The following RPTOR variants were observed in gnomAD, a reference collection of about 807,000 sequenced individuals.
RPTOR encodes regulatory associated protein of MTOR complex 1, also known as regulatory-associated protein of mTOR.
RPTOR carries 21 observed loss-of-function variants against 169.9 expected under a neutral mutation model. The ratio of observed to expected loss-of-function variants is 0.12; its 90% confidence interval spans 0.09 to 0.18. The LOEUF (loss-of-function observed/expected upper bound fraction) is 0.18, where lower values mean the gene tolerates loss of function less well. Ranked by LOEUF, RPTOR falls within the 10% of genes least tolerant of loss-of-function variation. The probability of loss-of-function intolerance (pLI) is 1.00; values close to 1 mark genes in which losing one functional copy is unlikely to be tolerated. For synonymous variants in RPTOR, 732 were observed against 753.2 expected, an observed-to-expected ratio of 0.97 and a Z score of 0.46; for missense variants, 1,133 against 1,855.9, an observed-to-expected ratio of 0.61 and a Z score of 7.16.
At chr17:80,849,493 A>T (rs950334608) in intron 11 of RPTOR, among the ~76,000 whole-genome samples, 1 of 152,226 alleles carries the variant, frequency 6.6e-6, no homozygotes, top group African/African-American at 2.4e-5. Flanking sequence ...GTTTAAAAAA[A>T]TTGCTGTTTT....
At position 80,965,600 on chromosome 17, in the gene RPTOR, C is replaced by T. The variant is rs918759366; in HGVS notation, c.*1270C>T. 3 of 233,240 alleles carry T rather than the reference C, an allele frequency of 1.3e-5. No individual in the cohort carries two copies. Among genetic ancestry groups the T allele is most frequent in the Admixed American group, 1.1e-4 (2 of 17,784 alleles). 14.4% of individuals were successfully genotyped at this position (233,240 alleles called of 1,614,324 possible). Reference sequence around the variant, plus strand: ...AAGGAGCCAGGTGGCTTCATTCTGGCGGTGAGAGGCCCACGACCACGGGAG... The same window carrying T: ...AAGGAGCCAGGTGGCTTCATTCTGGTGGTGAGAGGCCCACGACCACGGGAG... On this transcript the variant is annotated 3_prime_UTR_variant, in exon 34 of 34. Coordinates refer to ENST00000306801, the MANE Select transcript of RPTOR (RefSeq NM_020761.3).
intron 1 of RPTOR, among the ~76,000 whole-genome samples, chr17:80,582,458 C>T (rs1428794593): frequency 1.3e-5 from 2 of 151,846 alleles, no homozygotes; most frequent in African/African-American, 4.8e-5. Context: ...CCCTGAGCTG[C>T]ACGGCCCTCT....
intron 1 of RPTOR, among the ~76,000 whole-genome samples, chr17:80,561,551 C>A (rs1490072416): frequency 1.3e-5 from 2 of 152,046 alleles, no homozygotes; most frequent in African/African-American, 4.8e-5. Context: ...CCTGCCTCAG[C>A]CTTCTGAGTA....
At chr17:80,610,595 T>C (rs1445812985) in intron 1 of RPTOR, among the ~76,000 whole-genome samples, 1 of 152,124 alleles carries the variant, frequency 6.6e-6, no homozygotes, top group African/African-American at 2.4e-5. Flanking sequence ...TCCCGGGTGC[T>C]TCTTGCTGGG....
intron 6 of RPTOR, among the ~76,000 whole-genome samples, chr17:80,764,639 T>C (rs1194529104): frequency 2.0e-5 from 3 of 152,266 alleles, no homozygotes; most frequent in Admixed American, 1.3e-4. Context: ...CATGTGTCTT[T>C]ATAGCAGCAT....
intron 3 of RPTOR, among the ~76,000 whole-genome samples, chr17:80,682,856 G>T (rs1439951446): frequency 1.3e-5 from 2 of 152,054 alleles, no homozygotes; most frequent in Non-Finnish European, 2.9e-5. Flanking sequence ...GAGTGCAGTG[G>T]TGTGATCCAT....
intron 9 of RPTOR, among the ~76,000 whole-genome samples, chr17:80,824,816 G>A (rs963801671): frequency 6.6e-6 from 1 of 152,276 alleles, no homozygotes; most frequent in African/African-American, 2.4e-5. Flanking sequence ...GTGCTCAGCT[G>A]CGCAGAGTTA....
chr17:80,761,037 A>G (rs2066732199), intron 6 of RPTOR, among the ~76,000 whole-genome samples: 1 of 152,300 alleles, frequency 6.6e-6, no homozygotes, highest in South Asian at 2.1e-4. Flanking sequence ...AACTGATTTC[A>G]ATAATTCCAA....
intron 24 of RPTOR, among the ~76,000 whole-genome samples, chr17:80,925,986 G>A (rs189761407): frequency 3.3e-5 from 5 of 152,340 alleles, no homozygotes; most frequent in South Asian, 2.1e-4. Context: ...CGGCCTCTTC[G>A]AGGAATGGGG....
chr17:80,940,158 G>A (rs1008426836), intron 24 of RPTOR, among the ~76,000 whole-genome samples: 7 of 151,264 alleles, frequency 4.6e-5, no homozygotes, highest in East Asian at 1.9e-4. Context: ...TGCTGCATCC[G>A]CAGATTCAAC....
At chr17:80,697,547 G>A (rs2066047367) in intron 3 of RPTOR, among the ~76,000 whole-genome samples, 1 of 152,216 alleles carries the variant, frequency 6.6e-6, no homozygotes, top group Admixed American at 6.5e-5. Context: ...TAAGGGAGGA[G>A]GAGGGCGGCG....
chr17:80,647,641 A>G (rs767826543), intron 3 of RPTOR, among the ~76,000 whole-genome samples: 3 of 152,182 alleles, frequency 2.0e-5, no homozygotes, highest in Non-Finnish European at 4.4e-5. Context: ...AATATCTATC[A>G]TTTACTAAGG....
Position 80,940,552 on chromosome 17 carries a change from C to G in RPTOR, c.2976C>G (p.Phe992Leu), listed in dbSNP as rs1280597154. The change falls in exon 25 of 34, where the codon TTC becomes TTG. Residue 992 changes from phenylalanine to leucine, a missense_variant. Transcript: ENST00000306801. ...SQIRKEREWR[F>L]LRNSRVRRQA... ...TCCGCAAGGAGCGGGAGTGGCGGTTCCTGCGAAACAGCCGTGTCAGGAGGC... is the reference window on the plus strand; with the variant it reads ...TCCGCAAGGAGCGGGAGTGGCGGTTGCTGCGAAACAGCCGTGTCAGGAGGC... 2 of 1,613,202 alleles carry G rather than the reference C, an allele frequency of 1.2e-6. No homozygotes were observed. The highest frequency in any genetic ancestry group is 2.7e-5 in the African/African-American group (2 of 74,908).
intron 13 of RPTOR, 70 bp downstream of exon 13, chr17:80,857,970 C>A: frequency 1.7e-6 from 2 of 1,176,824 alleles, no homozygotes; most frequent in Non-Finnish European, 2.5e-6. Context: ...CCGAGCCCTG[C>A]GTTTCCAGCC....
chr17:80,711,142 A>C (rs1189059932), intron 4 of RPTOR, among the ~76,000 whole-genome samples: 5 of 152,174 alleles, frequency 3.3e-5, no homozygotes, highest in Non-Finnish European at 7.3e-5. Context: ...ACCCCTTTAG[A>C]AACTCACCAG....
chr17:80,957,618 C>T lies in RPTOR; in HGVS notation c.3371-6C>T, dbSNP rs1324322833. The T allele has an allele frequency of 6.2e-7, 1 of 1,613,734 alleles. No homozygotes were observed. The stretch of plus-strand genomic sequence containing the variant: ...GGTGATGCCATGTCCCACTGTATCT[C>T]TCCAGGAGCTGGGATGGTGGTGGAC... On this transcript the variant is annotated splice_polypyrimidine_tract_variant and splice_region_variant and intron_variant, in intron 28 of 33. Coordinates refer to ENST00000306801, the MANE Select transcript of RPTOR (RefSeq NM_020761.3). The surrounding 1 kb of genome is among the most constrained non-coding windows in gnomAD (Gnocchi z 4.6).
At position 80,754,510 on chromosome 17, in the gene RPTOR, C is replaced by G. The variant is rs1478353027; in HGVS notation, c.830+325C>G. ...TCATACTGGAAACTGGACTTTCTTT[C>G]AGGGGAAGAAAAGGCTGTTATGAAA... On this transcript the variant is annotated intron_variant, in intron 6 of 33. Coordinates refer to ENST00000306801, the MANE Select transcript of RPTOR (RefSeq NM_020761.3). The surrounding 1 kb of genome is among the most constrained non-coding windows in gnomAD (Gnocchi z 4.2). 2.0e-5 allele frequency among the ~76,000 whole-genome samples: 3 copies of G among 152,152 alleles called. No homozygotes were observed. The highest frequency in any genetic ancestry group is 7.2e-5 in the African/African-American group (3 of 41,408).
chr17:80,844,337 G>T lies in RPTOR; in HGVS notation c.1213-2136G>T, dbSNP rs559196073. Among the ~76,000 whole-genome samples, 34 of 152,256 alleles carry T rather than the reference G, an allele frequency of 2.2e-4. No individual in the cohort carries two copies. Among genetic ancestry groups the T allele is most frequent in the Non-Finnish European group, 4.7e-4 (32 of 68,034 alleles). ...TCAGGAATTTTTCTCTTTCTGCATG[G>T]AGTAGTGACTCCAGCAGTGAGGAAC... is the stretch of plus-strand genomic sequence containing the variant. On this transcript the variant is annotated intron_variant, in intron 10 of 33. Transcript: ENST00000306801. The surrounding 1 kb of genome is among the most constrained non-coding windows in gnomAD (Gnocchi z 4.7).
chr17:80,750,518 C>T (rs542732691), intron 5 of RPTOR, among the ~76,000 whole-genome samples: 26 of 152,176 alleles, frequency 1.7e-4, no homozygotes, highest in Non-Finnish European at 2.9e-4. Context: ...CAGGAGTCAG[C>T]ACTTCCTCAT....
Sources: allele counts gnomAD v4.1 joint callset (sites outside exome capture counted in the v4.1 genomes callset), GRCh38; gene constraint gnomAD v4.1.1; non-coding constraint Gnocchi (gnomAD v3.1); transcripts MANE v1.5; gene names NCBI Gene and HGNC (gene_info 2026-07-23, HGNC 2026-07-21).